GPC6: variants seen among roughly 807,000 people sequenced by gnomAD.
The protein encoded by GPC6 is glypican 6.
GPC6 carries 14 observed loss-of-function variants against 55.2 expected under a neutral mutation model. That is an observed-to-expected ratio of 0.25 (90% CI 0.17 to 0.40). GPC6 has a LOEUF of 0.40. Ranked by LOEUF, GPC6 falls within the 10% of genes least tolerant of loss-of-function variation. The pLI is 1.00. For missense variants in GPC6, 641 were observed against 708.5 expected (o/e 0.90, Z 1.08); for synonymous variants, 278 against 259.6 (o/e 1.07, Z -0.68).
chr13:93,271,504 A>G (rs919388571), intron 1 of GPC6, among the ~76,000 whole-genome samples: 2 of 152,148 alleles, frequency 1.3e-5, no homozygotes, highest in Non-Finnish European at 2.9e-5. Context: ...CAGGCGTGAC[A>G]TGTATCAGAT....
At chr13:94,128,566 G>A (rs1011055429) in intron 4 of GPC6, among the ~76,000 whole-genome samples, 1 of 152,144 alleles carries the variant, frequency 6.6e-6, no homozygotes, top group Non-Finnish European at 1.5e-5. Context: ...CATTCTGACT[G>A]CAGGAAAGAC....
chr13:93,853,148 A>G (rs1888469226), intron 3 of GPC6, among the ~76,000 whole-genome samples: 1 of 151,698 alleles, frequency 6.6e-6, no homozygotes, highest in Admixed American at 6.6e-5. Flanking sequence ...CGGTCAAGCA[A>G]TACTCTAATT....
chr13:93,361,882 A>G (rs1345716376), intron 1 of GPC6, among the ~76,000 whole-genome samples: 9 of 152,326 alleles, frequency 5.9e-5, no homozygotes, highest in African/African-American at 2.2e-4. Context: ...CACAACTGGG[A>G]GAATTTCAAG....
chr13:93,385,823 G>A (rs1224304596), intron 1 of GPC6, among the ~76,000 whole-genome samples: 1 of 151,828 alleles, frequency 6.6e-6, no homozygotes, highest in African/African-American at 2.4e-5. Flanking sequence ...AATTTATATA[G>A]TTGCCATTTT....
At chr13:93,698,893 A>G (rs1594381854) in intron 2 of GPC6, among the ~76,000 whole-genome samples, 1 of 151,990 alleles carries the variant, frequency 6.6e-6, no homozygotes, top group Non-Finnish European at 1.5e-5. Flanking sequence ...TAATTGGAGC[A>G]GAACTACTCA....
intron 1 of GPC6, among the ~76,000 whole-genome samples, chr13:93,486,652 A>G (rs1409471730): frequency 6.6e-6 from 1 of 152,206 alleles, no homozygotes; most frequent in Non-Finnish European, 1.5e-5. Flanking sequence ...TCCATAGTGT[A>G]AGAGACCATC....
chr13:94,245,021 C>G (rs993840696), intron 4 of GPC6, among the ~76,000 whole-genome samples: 3 of 152,000 alleles, frequency 2.0e-5, no homozygotes, highest in African/African-American at 7.2e-5. Flanking sequence ...CCTGCCTACC[C>G]CATGGTGTGT....
chr13:93,655,110 A>T (rs1880605981), intron 2 of GPC6, among the ~76,000 whole-genome samples: 1 of 148,808 alleles, frequency 6.7e-6, no homozygotes, highest in African/African-American at 2.5e-5. Context: ...CGGCCTCCTA[A>T]AGTGCTGGGA....
At chr13:93,440,924 T>C (rs1351362132) in intron 1 of GPC6, among the ~76,000 whole-genome samples, 1 of 142,836 alleles carries the variant, frequency 7.0e-6, no homozygotes, top group African/African-American at 2.6e-5. Flanking sequence ...AATTCCCACC[T>C]ATGAGTGAGA....
At chr13:93,244,589 A>C (rs1031887928) in intron 1 of GPC6, among the ~76,000 whole-genome samples, 1 of 152,140 alleles carries the variant, frequency 6.6e-6, no homozygotes, top group South Asian at 2.1e-4. Flanking sequence ...GCACTTCTCC[A>C]TGCTGCTCCT....
chr13:93,377,969 C>T (rs1874991069), intron 1 of GPC6, among the ~76,000 whole-genome samples: 1 of 152,288 alleles, frequency 6.6e-6, no homozygotes. Flanking sequence ...ATAACATTTT[C>T]AAGTGAATAT....
Position 93,451,282 on chromosome 13 carries a change from G to C in GPC6, c.161-93981G>C, listed in dbSNP as rs1204385413. Among the ~76,000 whole-genome samples, 5 of 152,202 alleles carry C rather than the reference G, an allele frequency of 3.3e-5. No individual in the cohort carries two copies. In the East Asian group the frequency reaches 9.6e-4, roughly 29 times the overall value. ...AAAATGTATTGCAAATCTTTGAGCTGAGAAAACTTCTGCTCTATGTGTAGT... is the reference window on the plus strand; with the variant it reads ...AAAATGTATTGCAAATCTTTGAGCTCAGAAAACTTCTGCTCTATGTGTAGT... On this transcript the variant is annotated intron_variant, in intron 1 of 8. Transcript: ENST00000377047.
chr13:93,303,517 C>T (rs1468610087), intron 1 of GPC6, among the ~76,000 whole-genome samples: 6 of 152,040 alleles, frequency 3.9e-5, no homozygotes, highest in Non-Finnish European at 8.8e-5. Context: ...CCAACCCATG[C>T]CAAAGCTTTC....
chr13:93,488,549 T>A (rs1879823882), intron 1 of GPC6, among the ~76,000 whole-genome samples: 1 of 152,176 alleles, frequency 6.6e-6, no homozygotes, highest in Admixed American at 6.5e-5. Context: ...CGCCACACTG[T>A]CTTCCACAAT....
rs1227938058 is a variant in GPC6, at chr13:93,428,563, C to T, written c.161-116700C>T. 2.0e-5 allele frequency among the ~76,000 whole-genome samples: 3 copies of T among 152,078 alleles called. No homozygotes were observed. In the East Asian group the frequency reaches 5.8e-4, roughly 29 times the overall value. ...GTGGATTTTTCTTTTATATCCTGGCCTTGGAGACAAATAGAGGAAAACTAT... is the reference window on the plus strand; with the variant it reads ...GTGGATTTTTCTTTTATATCCTGGCTTTGGAGACAAATAGAGGAAAACTAT... On this transcript the variant is annotated intron_variant, in intron 1 of 8. Transcript: ENST00000377047.
chr13:94,286,181 A>G (rs962745090), intron 4 of GPC6, among the ~76,000 whole-genome samples, 168 bp from the exon 5 acceptor site: 4 of 152,228 alleles, frequency 2.6e-5, no homozygotes, highest in South Asian at 2.1e-4. Context: ...ACAAAATACA[A>G]TCGTCCTAAG....
intron 3 of GPC6, among the ~76,000 whole-genome samples, chr13:93,966,231 C>T (rs941692830): frequency 7.9e-5 from 12 of 152,204 alleles, no homozygotes; most frequent in Middle Eastern, 3.2e-3. Context: ...CTCAAATCAA[C>T]TTGACATAAT....
At chr13:93,719,357 A>C (rs1007738385) in intron 2 of GPC6, among the ~76,000 whole-genome samples, 2 of 152,000 alleles carry the variant, frequency 1.3e-5, no homozygotes, top group African/African-American at 4.8e-5. Context: ...TGAGAATGGG[A>C]GTTCACTCAT....
chr13:93,843,970 T>G (rs959571910), intron 3 of GPC6, among the ~76,000 whole-genome samples: 3 of 152,208 alleles, frequency 2.0e-5, no homozygotes, highest in African/African-American at 7.2e-5. Flanking sequence ...ATAATGCTTT[T>G]TTTTGTTTTG....
Sources: gnomAD v4.1 joint callset for allele counts (sites outside exome capture counted in the v4.1 genomes callset) on GRCh38, gnomAD v4.1.1 for gene constraint, MANE v1.5 for transcripts, NCBI Gene and HGNC (gene_info 2026-07-23, HGNC 2026-07-21) for gene names.